WASF2: variants seen among roughly 807,000 people sequenced by gnomAD.
WASF2 encodes the protein WASP family member 2.
In WASF2, 14 loss-of-function variants were observed where a neutral mutation model predicts 45.0. That is an observed-to-expected ratio of 0.31 (90% CI 0.21 to 0.49). The LOEUF (loss-of-function observed/expected upper bound fraction) is 0.49. Ranked by LOEUF, WASF2 falls within the 20% of genes least tolerant of loss-of-function variation. WASF2 has a pLI of 0.99. For missense variants in WASF2, 439 were observed against 636.1 expected (o/e 0.69, Z 3.33); for synonymous variants, 200 against 236.3 (o/e 0.85, Z 1.41).
At chr1:27,430,958 C>G (rs563990921) in intron 1 of WASF2, among the ~76,000 whole-genome samples, 1 of 152,038 alleles carries the variant, frequency 6.6e-6, no homozygotes, top group Non-Finnish European at 1.5e-5. Context: ...AAAAAAAAAT[C>G]TTTCAGGCTC....
rs369607141 is a variant in WASF2 at position 27,412,600 on chromosome 1, T to C, written c.796A>G (p.Asn266Asp). 2 of 1,614,190 alleles carry C rather than the reference T, an allele frequency of 1.2e-6. No individual in the cohort carries two copies. Among genetic ancestry groups the C allele is most frequent in the Non-Finnish European group, 1.7e-6 (2 of 1,180,042 alleles). ...SSPSPSFSEDNLPPPPAEFSY... is the reference protein window; with the variant it reads ...SSPSPSFSEDDLPPPPAEFSY... ...AATTCTGCTGGTGGAGGAGGCAAGT[T>C]GTCCTCGGAGAAGGAAGGAGAAGGT... Residue 266 changes from asparagine (N) to aspartate (D), a missense_variant, in exon 7 of 9, where the codon AAC becomes GAC. Asn to Asp is a conservative substitution (Grantham distance 23). Coordinates refer to ENST00000618852, the MANE Select transcript of WASF2 (RefSeq NM_006990.5).
chr1:27,477,923 A>AAAT lies in WASF2; in HGVS notation c.-44+12062_-44+12063insATT, dbSNP rs2017791078. Among the ~76,000 whole-genome samples the AAAT allele has an allele frequency of 1.4e-5, 2 of 147,412 alleles. 1 individual carries two copies. Among genetic ancestry groups the AAAT allele is most frequent in the East Asian group, 4.0e-4 (2 of 5,050 alleles). ...CAAAAAAAAAAAATAAATAAATAAA[A>AAAT]AAAAAAATAAAAATAAATAAATCTA... On this transcript the variant is annotated intron_variant, in intron 1 of 8. Transcript: ENST00000618852.
At chr1:27,477,491 G>A (rs995431832) in intron 1 of WASF2, among the ~76,000 whole-genome samples, 1 of 152,204 alleles carries the variant, frequency 6.6e-6, no homozygotes, top group African/African-American at 2.4e-5. Flanking sequence ...AGTGAGCAGA[G>A]ATCATGCCAC....
At chr1:27,419,759 C>T (rs1247373768) in intron 2 of WASF2, among the ~76,000 whole-genome samples, 2 of 152,130 alleles carry the variant, frequency 1.3e-5, no homozygotes. Flanking sequence ...GAAATTAGTT[C>T]CTCAATGGAG....
intron 1 of WASF2, among the ~76,000 whole-genome samples, chr1:27,443,331 A>C (rs76371555): frequency 5.6e-5 from 5 of 89,642 alleles, no homozygotes; most frequent in African/African-American, 2.1e-4. Context: ...AAAAAAAAAA[A>C]GGCCAGGCAC....
At chr1:27,416,179 C>T (rs986589465) in intron 4 of WASF2, 77 bp from the exon 5 acceptor site, 55 of 1,250,922 alleles carry the variant, frequency 4.4e-5, no homozygotes, top group Admixed American at 1.9e-4. Flanking sequence ...CAAACACCTA[C>T]CAGTTAGCAG....
intron 1 of WASF2, among the ~76,000 whole-genome samples, chr1:27,482,575 T>C (rs1266854689): frequency 6.6e-6 from 1 of 152,250 alleles, no homozygotes; most frequent in African/African-American, 2.4e-5. Flanking sequence ...CTTTACTCTA[T>C]GTAATCTTAA....
chr1:27,449,850 T>C (rs529807304), intron 1 of WASF2, among the ~76,000 whole-genome samples: 1 of 150,514 alleles, frequency 6.6e-6, no homozygotes, highest in East Asian at 2.0e-4. Flanking sequence ...GAAAAAGAAG[T>C]TGAAAATTAT....
At chr1:27,463,442 G>A (rs916986501) in intron 1 of WASF2, among the ~76,000 whole-genome samples, 5 of 151,506 alleles carry the variant, frequency 3.3e-5, no homozygotes, top group Non-Finnish European at 7.4e-5. Context: ...TGGCTAACAC[G>A]GTAAAACCCC....
intron 1 of WASF2, among the ~76,000 whole-genome samples, chr1:27,460,713 A>G (rs1377652146): frequency 6.6e-6 from 1 of 152,218 alleles, no homozygotes; most frequent in African/African-American, 2.4e-5. Flanking sequence ...AATGGAGTAC[A>G]GATATACCTC....
At chr1:27,427,437 A>G (rs1432290503) in intron 2 of WASF2, among the ~76,000 whole-genome samples, 5 of 152,238 alleles carry the variant, frequency 3.3e-5, no homozygotes, top group Non-Finnish European at 7.3e-5. Flanking sequence ...AGAGACAGAG[A>G]GAGGCAGAAA....
At chr1:27,473,433 G>A (rs886689510) in intron 1 of WASF2, among the ~76,000 whole-genome samples, 2 of 127,794 alleles carry the variant, frequency 1.6e-5, no homozygotes, top group African/African-American at 3.0e-5. Context: ...GGGTAACAGA[G>A]CAAGACTCCA....
At chr1:27,487,056 A>C (rs1383356932) in intron 1 of WASF2, among the ~76,000 whole-genome samples, 2 of 147,418 alleles carry the variant, frequency 1.4e-5, no homozygotes, top group African/African-American at 2.5e-5. Context: ...TATATTATAT[A>C]TAACATATAT....
chr1:27,451,959 T>C (rs1237474590), intron 1 of WASF2, among the ~76,000 whole-genome samples: 2 of 152,208 alleles, frequency 1.3e-5, no homozygotes, highest in Non-Finnish European at 2.9e-5. Context: ...GTAATATTAG[T>C]AAAAGTTAAG....
chr1:27,416,538 T>C (rs2016828292), intron 4 of WASF2, among the ~76,000 whole-genome samples: 1 of 152,234 alleles, frequency 6.6e-6, no homozygotes, highest in Non-Finnish European at 1.5e-5. Context: ...ACTGGAAACC[T>C]GTGTGCACAT....
At chr1:27,460,935 G>C (rs754324491) in intron 1 of WASF2, among the ~76,000 whole-genome samples, 2 of 152,174 alleles carry the variant, frequency 1.3e-5, no homozygotes, top group African/African-American at 2.4e-5. Flanking sequence ...TCAGGAGATC[G>C]AGACCATCCT....
At chr1:27,472,157 C>G (rs919607841) in intron 1 of WASF2, among the ~76,000 whole-genome samples, 1 of 151,850 alleles carries the variant, frequency 6.6e-6, no homozygotes, top group Non-Finnish European at 1.5e-5. Flanking sequence ...ATGGTGAAAC[C>G]CTGTCTCTAC....
intron 1 of WASF2, among the ~76,000 whole-genome samples, chr1:27,481,312 A>G (rs138025906): frequency 6.6e-6 from 1 of 151,758 alleles, no homozygotes; most frequent in East Asian, 2.0e-4. Context: ...TGAAAAAAAT[A>G]ACGCATGTGT....
rs1156654086 is a variant in WASF2, at chr1:27,446,632, T to A, written c.-43-17699A>T. 2.0e-5 allele frequency among the ~76,000 whole-genome samples: 3 copies of A among 151,892 alleles called. No individual in the cohort carries two copies. The East Asian group carries it at 5.8e-4, about 29-fold the overall frequency. The stretch of plus-strand genomic sequence containing the variant: ...CCCATCTCTACAAAAAACACAAAAA[T>A]TAGCCAGGCGTGGTGGTGCACACTG... On this transcript the variant is annotated intron_variant, in intron 1 of 8. Transcript: ENST00000618852.
Sources: gnomAD v4.1 joint callset for allele counts (sites outside exome capture counted in the v4.1 genomes callset) on GRCh38, gnomAD v4.1.1 for gene constraint, MANE v1.5 for transcripts, NCBI Gene and HGNC (gene_info 2026-07-23, HGNC 2026-07-21) for gene names.